Variants in PKN2 observed in about 807,000 individuals in gnomAD.
PKN2 encodes the protein protein kinase N2, also known as serine/threonine-protein kinase N2.
In PKN2, 38 loss-of-function variants were observed where a neutral mutation model predicts 119.1. The ratio of observed to expected loss-of-function variants is 0.32; its 90% CI spans 0.25 to 0.42. The LOEUF is 0.42. PKN2 is among the 10% of genes least tolerant of loss of function. The pLI is 1.00. For synonymous variants in PKN2, 390 were observed against 384.9 expected (o/e 1.01, Z -0.15); for missense variants, 850 against 1,165.1 (o/e 0.73, Z 3.94).
intron 1 of PKN2, among the ~76,000 whole-genome samples, chr1:88,694,695 G>A (rs1666465991): frequency 6.6e-6 from 1 of 152,134 alleles, no homozygotes. Flanking sequence ...CTGCCCTCCA[G>A]AGTGCCCGAA....
chr1:88,797,620 G>A (rs370426925), intron 8 of PKN2, among the ~76,000 whole-genome samples: 7 of 145,270 alleles, frequency 4.8e-5, no homozygotes, highest in South Asian at 2.2e-4. Flanking sequence ...CCAGCCTGGC[G>A]ACAGAGACTC....
At chr1:88,827,939 G>C (rs1672575097) in intron 18 of PKN2, among the ~76,000 whole-genome samples, 1 of 151,702 alleles carries the variant, frequency 6.6e-6, no homozygotes, top group Admixed American at 6.6e-5. Flanking sequence ...TGGCCAGGCT[G>C]GTCTTGAACT....
intron 6 of PKN2, among the ~76,000 whole-genome samples, 160 bp from the exon 7 acceptor site, chr1:88,784,479 T>A (rs1670487289): frequency 6.6e-6 from 1 of 152,144 alleles, no homozygotes; most frequent in Admixed American, 6.5e-5. Context: ...GTTTCTCTAA[T>A]TAAAATAGGA....
chr1:88,689,008 A>G (rs1332141762), intron 1 of PKN2, among the ~76,000 whole-genome samples: 1 of 152,216 alleles, frequency 6.6e-6, no homozygotes, highest in Non-Finnish European at 1.5e-5. Flanking sequence ...CATATAGCAC[A>G]CTGGTAGTTT....
intron 3 of PKN2, among the ~76,000 whole-genome samples, chr1:88,764,158 C>G (rs1447912884): frequency 6.6e-6 from 1 of 152,134 alleles, no homozygotes; most frequent in Non-Finnish European, 1.5e-5. Context: ...AAACACCTTC[C>G]TCTCTCATTA....
intron 8 of PKN2, among the ~76,000 whole-genome samples, chr1:88,788,018 A>G (rs1034575528): frequency 6.6e-6 from 1 of 152,250 alleles, no homozygotes; most frequent in African/African-American, 2.4e-5. Context: ...CCTTAGTAAA[A>G]AAGAGAAGAA....
intron 8 of PKN2, among the ~76,000 whole-genome samples, chr1:88,793,283 C>G (rs1189232400): frequency 6.6e-6 from 1 of 152,082 alleles, no homozygotes; most frequent in African/African-American, 2.4e-5. Flanking sequence ...ATAAAATAGA[C>G]TAGTATCTAC....
At chr1:88,816,754 C>T (rs1672011465) in intron 16 of PKN2, 1 of 152,170 alleles carries the variant, frequency 6.6e-6, no homozygotes, top group Non-Finnish European at 1.5e-5. Context: ...GCAGCACAAG[C>T]CCCGCGTTTA....
chr1:88,755,717 T>C (rs921780728), intron 2 of PKN2, among the ~76,000 whole-genome samples: 1 of 152,132 alleles, frequency 6.6e-6, no homozygotes. Context: ...TAAGTAAGTA[T>C]ATAATCAAGA....
chr1:88,783,136 T>C (rs764357546), intron 6 of PKN2, among the ~76,000 whole-genome samples: 6 of 152,234 alleles, frequency 3.9e-5, no homozygotes, highest in Non-Finnish European at 8.8e-5. Context: ...TATTGTTCTT[T>C]CTAACTTTTT....
intron 18 of PKN2, among the ~76,000 whole-genome samples, chr1:88,827,355 A>G (rs1466423535): frequency 6.6e-6 from 1 of 152,104 alleles, no homozygotes; most frequent in African/African-American, 2.4e-5. Flanking sequence ...ATATTTGCAT[A>G]TATAAATAAT....
chr1:88,760,071 G>A (rs1376131710), intron 2 of PKN2, 151 bp from the exon 3 acceptor site: 1 of 439,374 alleles, frequency 2.3e-6, no homozygotes, highest in African/African-American at 2.1e-5. Flanking sequence ...GCATGAATTG[G>A]TTGAATTCAT....
intron 3 of PKN2, among the ~76,000 whole-genome samples, chr1:88,768,271 A>G (rs1462419448): frequency 6.6e-6 from 1 of 152,200 alleles, no homozygotes; most frequent in Admixed American, 6.5e-5. Flanking sequence ...ATTTATTATA[A>G]TTTTGTAGTT....
At chr1:88,713,914 C>T (rs996106462) in intron 1 of PKN2, among the ~76,000 whole-genome samples, 3 of 151,896 alleles carry the variant, frequency 2.0e-5, no homozygotes, top group African/African-American at 7.3e-5. Context: ...GGTTGTAGGT[C>T]GTCTAACATT....
At chr1:88,771,081 G>GT (rs901602268) in intron 4 of PKN2, among the ~76,000 whole-genome samples, 28 of 151,738 alleles carry the variant, frequency 1.8e-4, no homozygotes, top group African/African-American at 5.1e-4. Flanking sequence ...GTTTTCTTTT[G>GT]TTTTTTTGTT....
chr1:88,698,949 ACT>A (rs1458937864), intron 1 of PKN2, among the ~76,000 whole-genome samples: 3 of 152,110 alleles, frequency 2.0e-5, no homozygotes, highest in African/African-American at 7.2e-5. Flanking sequence ...GCATCTATTA[ACT>A]CTGCACAAAA....
At chr1:88,720,789 C>T (rs1390405072) in intron 1 of PKN2, among the ~76,000 whole-genome samples, 3 of 152,098 alleles carry the variant, frequency 2.0e-5, no homozygotes, top group African/African-American at 7.2e-5. Context: ...TCCCACCTTT[C>T]CCTCTGGTGT....
intron 1 of PKN2, among the ~76,000 whole-genome samples, chr1:88,726,992 G>C (rs1667923041): frequency 1.3e-5 from 2 of 151,874 alleles, no homozygotes; most frequent in African/African-American, 2.4e-5. Flanking sequence ...ATTCTTCCTG[G>C]TTTTCTATTA....
chr1:88,831,256 A>G (rs1303712257), intron 19 of PKN2, among the ~76,000 whole-genome samples: 1 of 151,754 alleles, frequency 6.6e-6, no homozygotes, highest in Admixed American at 6.6e-5. Flanking sequence ...CAGAAAAAAG[A>G]TACTACATAT....
Sources: gnomAD v4.1 joint callset for allele counts (sites outside exome capture counted in the v4.1 genomes callset) on GRCh38, gnomAD v4.1.1 for gene constraint, MANE v1.5 for transcripts, NCBI Gene and HGNC (gene_info 2026-07-23, HGNC 2026-07-21) for gene names.